The following ITGAV variants were observed in gnomAD, a reference collection of about 807,000 sequenced individuals.
The protein encoded by ITGAV is integrin alpha-V.
Under a neutral mutation model 143.8 loss-of-function variants are expected in ITGAV, and 76 were observed. The observed-to-expected ratio is 0.53, with a 90% CI of 0.44 to 0.64. The LOEUF (loss-of-function observed/expected upper bound fraction) is 0.64. Ranked by LOEUF, ITGAV falls within the 30% of genes least tolerant of loss-of-function variation. The pLI is 0.00. For missense variants in ITGAV, 1,193 were observed against 1,274.7 expected (o/e 0.94, Z 0.98); for synonymous variants, 453 against 446.7 (o/e 1.01, Z -0.18).
In ITGAV at chr2:186,667,177, A is replaced by G. The variant is rs1688923450; in HGVS notation, c.2274A>G (p.Pro758=). The G allele has an allele frequency of 2.5e-6, 4 of 1,612,098 alleles. No individual in the cohort carries two copies. Among genetic ancestry groups the G allele is most frequent in the South Asian group, 2.2e-5 (2 of 90,876 alleles). The change falls in exon 23 of 30, where the codon CCA becomes CCG. Residue 758 remains proline, a synonymous_variant. Coordinates refer to ENST00000261023, the MANE Select transcript of ITGAV (RefSeq NM_002210.5). The part of the protein sequence containing the change: ...QSSNLFDKVS[P]VVSHKVDLAV... ...CAAATCTATTTGACAAAGTAAGCCC[A>G]GTTGTATCTCACAAAGTTGATCTTG... is the stretch of plus-strand genomic sequence containing the variant.
chr2:186,647,148 G>A (rs1013417231), intron 13 of ITGAV, among the ~76,000 whole-genome samples: 57 of 151,882 alleles, frequency 3.8e-4, no homozygotes, highest in Non-Finnish European at 7.2e-4. Context: ...ATAAACAAAA[G>A]TTAAATGCTC....
chr2:186,642,931 A>G (rs1197375527), intron 12 of ITGAV, among the ~76,000 whole-genome samples: 1 of 152,210 alleles, frequency 6.6e-6, no homozygotes, highest in Non-Finnish European at 1.5e-5. Context: ...CTTAGCATAA[A>G]TCAAATGGAG....
intron 2 of ITGAV, among the ~76,000 whole-genome samples, chr2:186,603,772 A>C (rs1460219195): frequency 6.6e-6 from 1 of 152,218 alleles, no homozygotes; most frequent in African/African-American, 2.4e-5. Flanking sequence ...ATTGAAAATA[A>C]CATTTGCACA....
chr2:186,619,040 GGT>G (rs779304751), intron 2 of ITGAV, among the ~76,000 whole-genome samples: 16 of 150,642 alleles, frequency 1.1e-4, no homozygotes, highest in Non-Finnish European at 1.6e-4. Context: ...AAGAAAACAT[GGT>G]GTGTGTATAT....
chr2:186,598,292 T>TACAC (rs762146049), intron 1 of ITGAV, among the ~76,000 whole-genome samples: 543 of 43,782 alleles, frequency 0.012, 4 homozygotes, highest in African/African-American at 0.035. Context: ...TATTATAATT[T>TACAC]ATACACACAC....
intron 5 of ITGAV, among the ~76,000 whole-genome samples, chr2:186,632,978 A>G (rs568583741): frequency 2.8e-5 from 4 of 142,906 alleles, no homozygotes; most frequent in South Asian, 2.2e-4. Context: ...GCTTTAATAT[A>G]TACTAGATAG....
At chr2:186,616,656 T>C (rs1431406994) in intron 2 of ITGAV, among the ~76,000 whole-genome samples, 1 of 152,210 alleles carries the variant, frequency 6.6e-6, no homozygotes, top group East Asian at 1.9e-4. Flanking sequence ...CAAATCATTT[T>C]CTCTCAAATT....
chr2:186,666,823 A>C (rs765854867), intron 22 of ITGAV, 40 bp downstream of exon 22: 1 of 1,099,148 alleles, frequency 9.1e-7, no homozygotes, highest in Non-Finnish European at 1.3e-6. Flanking sequence ...CTATCAAATA[A>C]ATATTATTTG....
At chr2:186,637,638 G>A (rs1183352080) in intron 8 of ITGAV, among the ~76,000 whole-genome samples, 1 of 152,204 alleles carries the variant, frequency 6.6e-6, no homozygotes, top group Non-Finnish European at 1.5e-5. Context: ...CTGAAATTGA[G>A]ACAGCTACAC....
At chr2:186,598,530 C>G (rs1489294048) in intron 1 of ITGAV, among the ~76,000 whole-genome samples, 1 of 151,522 alleles carries the variant, frequency 6.6e-6, no homozygotes, top group Admixed American at 6.6e-5. Context: ...CTCCACCTCC[C>G]AGGTTCAAGT....
intron 6 of ITGAV, among the ~76,000 whole-genome samples, chr2:186,633,720 G>T (rs1313826152): frequency 1.3e-5 from 2 of 151,962 alleles, no homozygotes; most frequent in Non-Finnish European, 2.9e-5. Flanking sequence ...TAGTCATTAG[G>T]CAGTGTGCGA....
intron 4 of ITGAV, among the ~76,000 whole-genome samples, chr2:186,628,083 A>G (rs1318824042): frequency 6.6e-6 from 1 of 152,136 alleles, no homozygotes; most frequent in Non-Finnish European, 1.5e-5. Flanking sequence ...TGGGTAATTC[A>G]CCTAACCACT....
intron 12 of ITGAV, among the ~76,000 whole-genome samples, chr2:186,644,732 A>G (rs1194489411): frequency 6.6e-6 from 1 of 151,868 alleles, no homozygotes; most frequent in African/African-American, 2.4e-5. Context: ...CAGGCCAGGC[A>G]CTCTTCTAGG....
In ITGAV at chr2:186,646,677, T is replaced by TC. The variant is rs766239708; in HGVS notation, c.1160-5dup. 6.4e-6 allele frequency: 10 copies of TC among 1,555,642 alleles called. No homozygotes were observed. In the East Asian group the frequency reaches 2.3e-4, roughly 36 times the overall value. On this transcript the variant is annotated splice_polypyrimidine_tract_variant and intron_variant, in intron 12 of 29. Transcript: ENST00000261023. ...ATTCTCCTTCCCCCTCCTCTTTTTTTCCCCACAGATATTGCAATTGCTGCT... is the reference window on the plus strand; with the variant it reads ...ATTCTCCTTCCCCCTCCTCTTTTTTTCCCCCACAGATATTGCAATTGCTGCT...
In ITGAV at chr2:186,605,811, T is replaced by TATATGTATAATACATATATTCTTATGC. The variant is rs2105661103; in HGVS notation, c.316+3686_316+3687insCATATGTATAATACATATATTCTTATG. Among the ~76,000 whole-genome samples the TATATGTATAATACATATATTCTTATGC allele has an allele frequency of 1.3e-5, 2 of 148,700 alleles. 1 individual carries two copies. The highest frequency in any genetic ancestry group is 4.2e-4 in the South Asian group (2 of 4,782). ...TGTATATGTATAATATATTCTTATG[T>TATATGTATAATACATATATTCTTATGC]ATATGTATAATACATATATTCTTAT... On this transcript the variant is annotated intron_variant, in intron 2 of 29. Transcript: ENST00000261023.
chr2:186,639,166 C>T (rs1688035258), intron 10 of ITGAV, among the ~76,000 whole-genome samples: 1 of 152,162 alleles, frequency 6.6e-6, no homozygotes. Flanking sequence ...TTAGACATTT[C>T]TCTGCGAGTA....
intron 4 of ITGAV, among the ~76,000 whole-genome samples, chr2:186,629,601 A>G (rs13421909): frequency 0.024 from 3,644 of 151,960 alleles, 148 homozygotes; most frequent in African/African-American, 0.084. Context: ...AAAAATTTAG[A>G]TATTAAGTGT....
intron 7 of ITGAV, among the ~76,000 whole-genome samples, chr2:186,636,730 A>C (rs1310449499): frequency 1.3e-5 from 2 of 152,230 alleles, no homozygotes; most frequent in Non-Finnish European, 2.9e-5. Flanking sequence ...ATGATATATT[A>C]AAACAAGTCA....
At chr2:186,653,503 G>A (rs1471045379) in intron 15 of ITGAV, among the ~76,000 whole-genome samples, 1 of 152,112 alleles carries the variant, frequency 6.6e-6, no homozygotes, top group Non-Finnish European at 1.5e-5. Flanking sequence ...TAAAGATATT[G>A]TTCCTGAATT....
Sources: allele counts gnomAD v4.1 joint callset (sites outside exome capture counted in the v4.1 genomes callset), GRCh38; gene constraint gnomAD v4.1.1; transcripts MANE v1.5; gene names NCBI Gene and HGNC (gene_info 2026-07-23, HGNC 2026-07-21).